Variants in SYT3 observed in about 807,000 individuals in gnomAD.
SYT3 encodes the protein synaptotagmin-3.
SYT3 carries 25 observed loss-of-function variants against 50.6 expected under a neutral mutation model. The ratio of observed to expected loss-of-function variants is 0.49; its 90% CI spans 0.36 to 0.69. The LOEUF is 0.69. SYT3 is among the 30% of genes least tolerant of loss of function. The pLI is 0.00. For synonymous variants in SYT3, 323 were observed against 353.9 expected (o/e 0.91, Z 0.98); for missense variants, 589 against 793.6 (o/e 0.74, Z 3.10).
the SYT3 span, among the ~76,000 whole-genome samples, chr19:50,653,953 G>T: frequency 6.6e-6 from 1 of 152,010 alleles, no homozygotes; most frequent in Non-Finnish European, 1.5e-5. Context: ...AGCAGCCGTC[G>T]GCTCTGAGCT....
the SYT3 span, chr19:50,656,075 C>T: frequency 6.5e-7 from 1 of 1,536,114 alleles, no homozygotes; most frequent in Non-Finnish European, 8.7e-7. Flanking sequence ...ACCTGGAGAC[C>T]CCAGAGGAGA....
the SYT3 span, among the ~76,000 whole-genome samples, chr19:50,656,535 T>C: frequency 6.6e-6 from 1 of 151,894 alleles, no homozygotes; most frequent in Admixed American, 6.6e-5. Context: ...AATCTACTGC[T>C]CATGTCAGAG....
Position 50,637,423 on chromosome 19 carries a change from G to C in SYT3, c.-12C>G. The C allele has an allele frequency of 2.5e-6, 4 of 1,589,372 alleles. No homozygotes were observed. Among genetic ancestry groups the C allele is most frequent in the Non-Finnish European group, 1.7e-6 (2 of 1,165,624 alleles). ...TAGTCTCCTGACATGGTGGCCGTCT[G>C]GTCCTGTGTGTGGGAGGGATGGGGC... On this transcript the variant is annotated 5_prime_UTR_variant, in exon 3 of 11. Coordinates refer to ENST00000600079, the MANE Select transcript of SYT3 (RefSeq NM_001160329.2). This position sits in a 1 kb window ranked among gnomAD's most constrained non-coding sequence, Gnocchi z 4.9.
rs1983879854 is a variant in SYT3 at position 50,622,293 on chromosome 19, C to T, written c.*192G>A. 5.3e-6 allele frequency: 1 copy of T among 187,798 alleles called. No individual in the cohort carries two copies. Among genetic ancestry groups the T allele is most frequent in the African/African-American group, 2.4e-5 (1 of 42,230 alleles). 11.6% of individuals were successfully genotyped at this position (187,798 alleles called of 1,614,324 possible). ...AGACACAGTGGAGGCTGAATGACCC[C>T]CACCCTGAAAGAAGGAGCTGGGCCG... is the stretch of plus-strand genomic sequence containing the variant. On this transcript the variant is annotated 3_prime_UTR_variant, in exon 11 of 11. Coordinates refer to ENST00000600079, the MANE Select transcript of SYT3 (RefSeq NM_001160329.2).
chr19:50,636,283 A>C, intron 3 of SYT3, among the ~76,000 whole-genome samples: 1 of 152,084 alleles, frequency 6.6e-6, no homozygotes, highest in Non-Finnish European at 1.5e-5. Flanking sequence ...AGACAAACAA[A>C]AACAGTTTCC....
At chr19:50,630,979 C>CA (rs1168273034) in intron 4 of SYT3, among the ~76,000 whole-genome samples, 2 of 152,048 alleles carry the variant, frequency 1.3e-5, no homozygotes, top group Admixed American at 6.6e-5. Context: ...AGCCCACTCC[C>CA]ATATGGCCCC....
At chr19:50,629,698 C>T (rs1347233306) in intron 5 of SYT3, 86 bp downstream of exon 5, 2 of 1,157,894 alleles carry the variant, frequency 1.7e-6, no homozygotes, top group African/African-American at 1.7e-5. Flanking sequence ...AGTCCAGGCC[C>T]CCAGCCCCTC....
upstream of SYT3, among the ~76,000 whole-genome samples, chr19:50,643,095 G>A: frequency 6.6e-6 from 1 of 152,156 alleles, no homozygotes; most frequent in East Asian, 1.9e-4. Context: ...TCTGGACCAA[G>A]TGCAGTGGCT....
intron 6 of SYT3, among the ~76,000 whole-genome samples, chr19:50,627,649 C>T (rs1266945875): frequency 1.3e-5 from 2 of 150,544 alleles, no homozygotes; most frequent in Admixed American, 6.6e-5. Context: ...ATCACTTGAA[C>T]CCGGGAGGTG....
At chr19:50,636,670 G>A (rs1984503951) in intron 3 of SYT3, among the ~76,000 whole-genome samples, 1 of 152,190 alleles carries the variant, frequency 6.6e-6, no homozygotes. Context: ...CTCAGCCTCA[G>A]TTTCCTCTGT....
upstream of SYT3, among the ~76,000 whole-genome samples, chr19:50,640,285 A>C (rs1468771633): frequency 1.3e-5 from 2 of 151,884 alleles, no homozygotes; most frequent in Non-Finnish European, 2.9e-5. Flanking sequence ...ACCTGGGCCA[A>C]CTCCTGCCTG....
chr19:50,625,749 GCCCCTGGCCCCTCCTCCCTC>G lies in SYT3; in HGVS notation c.1402+128_1402+147del. ...TCCTCTCTCCGACCCAGGAGTCCAGGCCCCTGGCCCCTCCTCCCTCAGACCCAGGAGTCCAGATCCCCAGC... is the reference window on the plus strand; with the variant it reads ...TCCTCTCTCCGACCCAGGAGTCCAGGAGACCCAGGAGTCCAGATCCCCAGC... On this transcript the variant is annotated intron_variant, in intron 7 of 10. Transcript: ENST00000600079. The surrounding 1 kb of genome is among the most constrained non-coding windows in gnomAD (Gnocchi z 7.5). The G allele has an allele frequency of 9.2e-6, 9 of 982,958 alleles. No individual in the cohort carries two copies. Among genetic ancestry groups the G allele is most frequent in the South Asian group, 4.9e-5 (3 of 61,078 alleles). The allele number at this position is 982,958 out of a possible 1,614,324, so 60.9% of individuals were successfully genotyped here.
the SYT3 span, among the ~76,000 whole-genome samples, chr19:50,655,509 C>T: frequency 2.0e-5 from 3 of 151,940 alleles, no homozygotes; most frequent in Non-Finnish European, 4.4e-5. Context: ...ATTAGCTGGG[C>T]GTGGTAGCGG....
Position 50,625,854 on chromosome 19 carries a change from G to T in SYT3, c.1402+43C>A. ...GGCCCCTCCTCCCTCAGACCCAGGA[G>T]TCCAGGCCCCCAGCCCTCCTCCCTC... On this transcript the variant is annotated intron_variant, in intron 7 of 10. Transcript: ENST00000600079. This position sits in a 1 kb window ranked among gnomAD's most constrained non-coding sequence, Gnocchi z 7.5. 6.4e-7 allele frequency: 1 copy of T among 1,562,966 alleles called. No homozygotes were observed. Among genetic ancestry groups the T allele is most frequent in the Non-Finnish European group, 8.7e-7 (1 of 1,148,098 alleles).
At chr19:50,655,605 C>T in the SYT3 span, among the ~76,000 whole-genome samples, 3 of 151,650 alleles carry the variant, frequency 2.0e-5, no homozygotes, top group East Asian at 1.9e-4. Context: ...GCCGAGATTG[C>T]GCCACTGCAC....
intron 5 of SYT3, 72 bp from the exon 6 acceptor site, chr19:50,629,584 GC>G: frequency 1.2e-6 from 1 of 833,154 alleles, no homozygotes. Flanking sequence ...CAGGAGTCCA[GC>G]CCCCAGCCCC....
At chr19:50,628,990 A>T (rs896021687) in intron 6 of SYT3, among the ~76,000 whole-genome samples, 9 of 151,746 alleles carry the variant, frequency 5.9e-5, no homozygotes, top group Non-Finnish European at 1.2e-4. Context: ...TGCCCGGCTA[A>T]TTTTTGTATT....
In SYT3 at chr19:50,626,027, G is replaced by T. The variant is rs1289524459; in HGVS notation, c.1282-10C>A. ...CAAGATCTGCTTTTTCCTGCAGTTG[G>T]GGAAAAGGTCAGCGATATCTTGCCT... On this transcript the variant is annotated splice_polypyrimidine_tract_variant and intron_variant, in intron 6 of 10. Coordinates refer to ENST00000600079, the MANE Select transcript of SYT3 (RefSeq NM_001160329.2). 7 of 1,612,938 alleles carry T rather than the reference G, an allele frequency of 4.3e-6. No homozygotes were observed. Among genetic ancestry groups the T allele is most frequent in the Non-Finnish European group, 5.9e-6 (7 of 1,179,512 alleles).
At chr19:50,624,655 C>T (rs745495160) in intron 9 of SYT3, among the ~76,000 whole-genome samples, 9 of 151,454 alleles carry the variant, frequency 5.9e-5, no homozygotes, top group South Asian at 2.1e-4. Context: ...CAGGTTCAAG[C>T]GATTCTCCTG....
Sources: gnomAD v4.1 joint callset for allele counts (sites outside exome capture counted in the v4.1 genomes callset) on GRCh38, gnomAD v4.1.1 for gene constraint, Gnocchi (gnomAD v3.1) non-coding constraint, MANE v1.5 for transcripts, NCBI Gene and HGNC (gene_info 2026-07-23, HGNC 2026-07-21) for gene names.